Variants in MTCL1 observed in about 807,000 individuals in gnomAD.
MTCL1 encodes the protein microtubule crosslinking factor 1, also known as microtubule cross-linking factor 1.
A neutral mutation model predicts 141.4 loss-of-function variants in MTCL1; 79 were observed. The ratio of observed to expected loss-of-function variants is 0.56; its 90% CI spans 0.47 to 0.67. The LOEUF (loss-of-function observed/expected upper bound fraction) is 0.67. MTCL1 is among the 30% of genes least tolerant of loss of function. The pLI, the probability that MTCL1 is intolerant of heterozygous loss-of-function variation, is 0.00. For missense variants in MTCL1, 2,177 were observed against 2,113.9 expected (o/e 1.03, Z -0.59); for synonymous variants, 914 against 875.8 (o/e 1.04, Z -0.77).
At chr18:8,718,047 T>G (rs1046383367) in intron 2 of MTCL1, 57 of 891,508 alleles carry the variant, frequency 6.4e-5, no homozygotes, top group Non-Finnish European at 7.6e-5. Flanking sequence ...TGATTCATCT[T>G]AGTACCTAGA....
chr18:8,784,192 C>T (rs201535426), exon 6 of MTCL1: 165 of 1,613,642 alleles, frequency 1.0e-4, no homozygotes, highest in Non-Finnish European at 1.3e-4. Flanking sequence ...ACGAGAACCA[C>T]GCGCTGCTGT....
intron 4 of MTCL1, among the ~76,000 whole-genome samples, chr18:8,751,756 A>T (rs2148956304): frequency 6.6e-6 from 1 of 152,302 alleles, no homozygotes; most frequent in South Asian, 2.1e-4. Flanking sequence ...ACAATACAAA[A>T]ACAATCTTTT....
intron 7 of MTCL1, 27 bp downstream of exon 6, chr18:8,786,118 C>A: frequency 1.5e-5 from 21 of 1,400,586 alleles, no homozygotes; most frequent in South Asian, 1.0e-4. Flanking sequence ...AATCCCCCCC[C>A]CCCGCCCTCC....
chr18:8,706,410 G>T, exon 1 of MTCL1: 2 of 1,228,114 alleles, frequency 1.6e-6, no homozygotes, highest in Non-Finnish European at 2.0e-6. Flanking sequence ...GAGGAGCGCC[G>T]ACGCCGAGCC....
At chr18:8,805,224 G>A (rs942333356) in intron 10 of MTCL1, among the ~76,000 whole-genome samples, 4 of 151,956 alleles carry the variant, frequency 2.6e-5, no homozygotes, top group Admixed American at 6.6e-5. Flanking sequence ...AGTGAACATA[G>A]TACCCAATAG....
chr18:8,780,224 G>A (rs947736208), intron 5 of MTCL1, among the ~76,000 whole-genome samples: 1 of 152,224 alleles, frequency 6.6e-6, no homozygotes, highest in Non-Finnish European at 1.5e-5. Flanking sequence ...TGGTGAACAA[G>A]GAGGGACCAG....
chr18:8,740,728 C>CT (rs1370617320), intron 4 of MTCL1, among the ~76,000 whole-genome samples: 1 of 152,208 alleles, frequency 6.6e-6, no homozygotes, highest in Non-Finnish European at 1.5e-5. Flanking sequence ...GGTGATCTGC[C>CT]TGCCTCGGCT....
At chr18:8,811,519 T>TTA (rs1555671020) in intron 11 of MTCL1, among the ~76,000 whole-genome samples, 19 of 149,642 alleles carry the variant, frequency 1.3e-4, no homozygotes, top group Admixed American at 1.1e-3. Context: ...TCATTAATCT[T>TTA]TATATATATA....
At chr18:8,720,263 C>A in intron 3 of MTCL1, 75 bp from the exon 3 acceptor site, 1 of 1,450,564 alleles carries the variant, frequency 6.9e-7, no homozygotes, top group Non-Finnish European at 9.5e-7. Context: ...GATTTTGCCT[C>A]TGATGTTGTC....
intron 4 of MTCL1, among the ~76,000 whole-genome samples, chr18:8,756,425 G>GTGTATATA (rs201986313): frequency 6.8e-6 from 1 of 147,274 alleles, no homozygotes; most frequent in African/African-American, 2.6e-5. Flanking sequence ...GTGTATATAT[G>GTGTATATA]TGTATATATG....
chr18:8,721,903 G>C (rs1455679383), intron 4 of MTCL1, among the ~76,000 whole-genome samples: 1 of 152,178 alleles, frequency 6.6e-6, no homozygotes, highest in Admixed American at 6.5e-5. Flanking sequence ...CACATGCTGG[G>C]TGGAGGAGTG....
rs191528815 is a variant in MTCL1 at position 8,755,753 on chromosome 18, G to A, written c.358-22080G>A. On this transcript the variant is annotated intron_variant, in intron 4 of 16. Transcript: ENST00000359865. ...GAATGTTCACAGGGAGTGGGGCACG[G>A]AGGAGGATGTGGTTTTGGAGGTTAT... Among the ~76,000 whole-genome samples the A allele has an allele frequency of 3.0e-3, 450 of 152,354 alleles. 3 individuals carry two copies. The highest frequency in any genetic ancestry group is 4.5e-3 in the African/African-American group (187 of 41,582).
At chr18:8,786,162 T>C (rs2096554495) in intron 7 of MTCL1, 71 bp downstream of exon 6, 15 of 1,369,506 alleles carry the variant, frequency 1.1e-5, no homozygotes, top group Non-Finnish European at 1.4e-5. Context: ...CTGTGTGACG[T>C]TTTCTGTCCC....
intron 4 of MTCL1, among the ~76,000 whole-genome samples, chr18:8,766,692 T>C (rs1164055808): frequency 3.9e-5 from 6 of 152,224 alleles, no homozygotes; most frequent in African/African-American, 1.4e-4. Flanking sequence ...CTGTTTTGTT[T>C]TTCTGCTGAA....
intron 4 of MTCL1, among the ~76,000 whole-genome samples, chr18:8,729,899 C>T (rs758122446): frequency 1.3e-5 from 2 of 151,818 alleles, no homozygotes; most frequent in African/African-American, 2.4e-5. Context: ...AATATTTTCT[C>T]CTATGTATTT....
At chr18:8,805,048 T>C (rs1166419566) in intron 10 of MTCL1, among the ~76,000 whole-genome samples, 1 of 150,660 alleles carries the variant, frequency 6.6e-6, no homozygotes, top group East Asian at 1.9e-4. Flanking sequence ...GAGATCTCTA[T>C]AATAAATCTG....
At chr18:8,705,627 T>C, upstream of MTCL1, 1 of 1,207,446 alleles carries the variant, frequency 8.3e-7, no homozygotes, top group Non-Finnish European at 1.0e-6. This position sits in a 1 kb window ranked among gnomAD's most constrained non-coding sequence, Gnocchi z 5.2. Flanking sequence ...GTCCGGAGCA[T>C]CTGCTGCCTG....
At chr18:8,829,710 C>T in intron 16 of MTCL1, 1 of 985,182 alleles carries the variant, frequency 1.0e-6, no homozygotes, top group Non-Finnish European at 1.2e-6. Flanking sequence ...CAGATGTATC[C>T]CCATGAAAAG....
intron 16 of MTCL1, 34 bp from the exon 15 acceptor site, chr18:8,831,573 T>C (rs780298794): frequency 5.2e-6 from 8 of 1,542,630 alleles, no homozygotes; most frequent in Non-Finnish European, 7.0e-6. Context: ...ACTGCCGGTC[T>C]GAGTAACCCT....
Sources: allele counts gnomAD v4.1 joint callset (sites outside exome capture counted in the v4.1 genomes callset), GRCh38; gene constraint gnomAD v4.1.1; non-coding constraint Gnocchi (gnomAD v3.1); transcripts MANE v1.5; gene names NCBI Gene and HGNC (gene_info 2026-07-23, HGNC 2026-07-21).